CEP128: variants seen among roughly 807,000 people sequenced by gnomAD.
CEP128 encodes the protein centrosomal protein 128.
A neutral mutation model predicts 156.7 loss-of-function variants in CEP128; 132 were observed. The observed-to-expected ratio is 0.84, with a 90% CI of 0.73 to 0.97. The LOEUF is 0.97. CEP128 is among the 50% of genes least tolerant of loss of function. The probability of loss-of-function intolerance (pLI) is 0.00; values close to 1 mark genes in which losing one functional copy is unlikely to be tolerated. For missense variants in CEP128, 1,252 were observed against 1,281.9 expected (o/e 0.98, Z 0.36); for synonymous variants, 469 against 448.9 (o/e 1.04, Z -0.57).
At chr14:80,605,771 C>A (rs1892751403) in intron 19 of CEP128, among the ~76,000 whole-genome samples, 1 of 151,926 alleles carries the variant, frequency 6.6e-6, no homozygotes, top group Admixed American at 6.6e-5. Context: ...TTCCAAAGGG[C>A]AGTCAAGCAT....
intron 19 of CEP128, among the ~76,000 whole-genome samples, chr14:80,713,663 T>A (rs1041947210): frequency 1.3e-5 from 2 of 152,204 alleles, no homozygotes; most frequent in Non-Finnish European, 2.9e-5. Context: ...TGTTCTTTAA[T>A]CTCCCCTGTT....
At chr14:80,641,121 T>C (rs1200379903) in intron 19 of CEP128, among the ~76,000 whole-genome samples, 2 of 152,198 alleles carry the variant, frequency 1.3e-5, no homozygotes, top group South Asian at 4.1e-4. Context: ...TTACAGTCAT[T>C]CCAGAAATTT....
chr14:80,896,563 T>C (rs574510208), intron 7 of CEP128, among the ~76,000 whole-genome samples: 6 of 152,322 alleles, frequency 3.9e-5, no homozygotes, highest in Admixed American at 1.3e-4. Context: ...TTTTATGTAA[T>C]ATATTTATAC....
At chr14:80,631,512 A>G (rs1439127933) in intron 19 of CEP128, among the ~76,000 whole-genome samples, 2 of 152,054 alleles carry the variant, frequency 1.3e-5, no homozygotes, top group African/African-American at 4.8e-5. Flanking sequence ...GCTTATTTCC[A>G]TTCTTTATAT....
intron 23 of CEP128, among the ~76,000 whole-genome samples, chr14:80,507,853 A>T (rs1888051551): frequency 6.6e-6 from 1 of 152,202 alleles, no homozygotes; most frequent in South Asian, 2.1e-4. Flanking sequence ...TTCTAAAAAA[A>T]AGTCAACTGG....
intron 19 of CEP128, among the ~76,000 whole-genome samples, chr14:80,645,616 G>T (rs1894601484): frequency 6.6e-6 from 1 of 152,002 alleles, no homozygotes; most frequent in Non-Finnish European, 1.5e-5. Context: ...ATTGACTGCT[G>T]GTAAAAATAC....
At chr14:80,592,554 G>A (rs954861141) in intron 19 of CEP128, among the ~76,000 whole-genome samples, 8 of 152,098 alleles carry the variant, frequency 5.3e-5, no homozygotes, top group Non-Finnish European at 1.0e-4. Flanking sequence ...ATTCACAGCC[G>A]AATTCTACCA....
At chr14:80,846,308 T>C (rs935961987) in intron 9 of CEP128, among the ~76,000 whole-genome samples, 1 of 152,182 alleles carries the variant, frequency 6.6e-6, no homozygotes, top group African/African-American at 2.4e-5. Flanking sequence ...ACAGATGCTT[T>C]ACAAGACGCT....
At chr14:80,869,852 T>C (rs1320822052) in intron 8 of CEP128, among the ~76,000 whole-genome samples, 1 of 151,698 alleles carries the variant, frequency 6.6e-6, no homozygotes, top group Non-Finnish European at 1.5e-5. Context: ...AAATGCTAGC[T>C]AGACTGAATA....
intron 11 of CEP128, among the ~76,000 whole-genome samples, chr14:80,837,928 T>C (rs1000811740): frequency 1.3e-5 from 2 of 152,210 alleles, no homozygotes; most frequent in Non-Finnish European, 2.9e-5. Flanking sequence ...GTCTTACTTT[T>C]ACACTGCTCA....
At position 80,685,905 on chromosome 14, in the gene CEP128, T is replaced by A. The variant is rs369668238; in HGVS notation, c.2806+57170A>T. Among the ~76,000 whole-genome samples the A allele has an allele frequency of 8.5e-5, 13 of 152,214 alleles. No individual in the cohort carries two copies. In the East Asian group the frequency reaches 2.3e-3, roughly 27 times the overall value. On this transcript the variant is annotated intron_variant, in intron 19 of 24. Coordinates refer to ENST00000555265, the MANE Select transcript of CEP128 (RefSeq NM_152446.5). ...GATGCTGGAACAGCTAGCTAGGCCA[T>A]AGGCAGAATAATTAACTTGGACTCC...
At chr14:80,619,645 C>T (rs146573624) in intron 19 of CEP128, among the ~76,000 whole-genome samples, 83 of 147,092 alleles carry the variant, frequency 5.6e-4, no homozygotes, top group Middle Eastern at 3.6e-3. Flanking sequence ...GAGGTTGCAG[C>T]GAGCTGAGAT....
chr14:80,678,062 A>ATATATATATATG (rs1262159794), intron 19 of CEP128, among the ~76,000 whole-genome samples: 1 of 62,072 alleles, frequency 1.6e-5, no homozygotes, highest in African/African-American at 3.2e-5. Flanking sequence ...ATATATATAT[A>ATATATATATATG]TGTATATATA....
At chr14:80,731,788 A>G (rs1332214145) in intron 19 of CEP128, among the ~76,000 whole-genome samples, 1 of 152,204 alleles carries the variant, frequency 6.6e-6, no homozygotes, top group Non-Finnish European at 1.5e-5. Context: ...CAAATATACT[A>G]GTTTCAAAAA....
chr14:80,847,485 A>C (rs1187615379), intron 9 of CEP128, among the ~76,000 whole-genome samples: 1 of 152,214 alleles, frequency 6.6e-6, no homozygotes, highest in Non-Finnish European at 1.5e-5. Context: ...AGTATGGTGT[A>C]TGATGATAGG....
At chr14:80,621,741 T>C (rs1259860171) in intron 19 of CEP128, among the ~76,000 whole-genome samples, 2 of 152,222 alleles carry the variant, frequency 1.3e-5, no homozygotes, top group Non-Finnish European at 2.9e-5. Context: ...AGGATCTCTC[T>C]AACCTCACCA....
At chr14:80,761,392 G>T in intron 17 of CEP128, 45 bp downstream of exon 17, 1 of 1,358,742 alleles carries the variant, frequency 7.4e-7, no homozygotes, top group Non-Finnish European at 1.0e-6. Context: ...TTATATATTA[G>T]GAAACTAACT....
chr14:80,544,109 AT>A (rs747959980), intron 21 of CEP128, among the ~76,000 whole-genome samples: 14 of 152,148 alleles, frequency 9.2e-5, no homozygotes, highest in Non-Finnish European at 1.6e-4. Context: ...ACTATACCAG[AT>A]TTTATTCTGC....
chr14:80,640,096 C>T (rs1335656307), intron 19 of CEP128, among the ~76,000 whole-genome samples: 1 of 152,066 alleles, frequency 6.6e-6, no homozygotes, highest in Non-Finnish European at 1.5e-5. Flanking sequence ...AGTAATGGAA[C>T]TTATTGTAAA....
Sources: gnomAD v4.1 joint callset for allele counts (sites outside exome capture counted in the v4.1 genomes callset) on GRCh38, gnomAD v4.1.1 for gene constraint, MANE v1.5 for transcripts, NCBI Gene and HGNC (gene_info 2026-07-23, HGNC 2026-07-21) for gene names.